The following RAB6A variants were observed in gnomAD, a reference collection of about 807,000 sequenced individuals.
RAB6A encodes RAB6A, member RAS oncogene family, also known as ras-related protein Rab-6A.
Under a neutral mutation model 32.3 loss-of-function variants are expected in RAB6A, and 8 were observed. The ratio of observed to expected loss-of-function variants is 0.25; its 90% CI spans 0.15 to 0.45. RAB6A has a LOEUF of 0.45. RAB6A is among the 20% of genes least tolerant of loss of function. The pLI is 1.00. For missense variants in RAB6A, 104 were observed against 249.4 expected (o/e 0.42, Z 3.93); for synonymous variants, 73 against 82.1 (o/e 0.89, Z 0.60).
intron 1 of RAB6A, among the ~76,000 whole-genome samples, chr11:73,756,290 G>GGTGCA (rs1452488198): frequency 1.3e-5 from 2 of 152,084 alleles, no homozygotes; most frequent in African/African-American, 4.8e-5. Context: ...GGAGGTGGAG[G>GGTGCA]GTGCAGTGAG....
In RAB6A at chr11:73,731,606, A is replaced by C. The variant is rs988540065; in HGVS notation, c.71-783T>G. On this transcript the variant is annotated intron_variant, in intron 1 of 7. Coordinates refer to ENST00000336083, the MANE Select transcript of RAB6A (RefSeq NM_198896.2). ...TTTAAAATTCATTTCAAAACCAGAT[A>C]GAACTCTCTACTTCTCTGGCAAAGA... 3.7e-4 allele frequency among the ~76,000 whole-genome samples: 55 copies of C among 149,452 alleles called. 2 individuals carry two copies. The highest frequency in any genetic ancestry group is 1.5e-5 in the Non-Finnish European group (1 of 67,570).
intron 1 of RAB6A, among the ~76,000 whole-genome samples, chr11:73,738,221 T>C (rs1379780044): frequency 3.3e-5 from 5 of 152,140 alleles, no homozygotes; most frequent in Non-Finnish European, 7.4e-5. Context: ...TTGCCCAAGC[T>C]GGTTTTGAAC....
At chr11:73,722,755 G>A (rs1236580603) in intron 2 of RAB6A, 3 of 152,030 alleles carry the variant, frequency 2.0e-5, no homozygotes, top group African/African-American at 7.3e-5. Context: ...ACTAAGTGCC[G>A]ATTTATACAC....
At position 73,760,888 on chromosome 11, in the gene RAB6A, A is replaced by G; in HGVS notation, c.-253T>C. Reference sequence around the variant, plus strand: ...GGAAGGGAAGGAGGGCGGTGTCGGCAGGAGCCAGGGGTGTCCTCTGGCTTC... The same window carrying G: ...GGAAGGGAAGGAGGGCGGTGTCGGCGGGAGCCAGGGGTGTCCTCTGGCTTC... On this transcript the variant is annotated 5_prime_UTR_variant, in exon 1 of 8. Transcript: ENST00000336083. 2.0e-6 allele frequency: 1 copy of G among 496,220 alleles called. No individual in the cohort carries two copies. Among genetic ancestry groups the G allele is most frequent in the Non-Finnish European group, 3.7e-6 (1 of 271,988 alleles). The allele number at this position is 496,220 out of a possible 1,614,324, so 30.7% of individuals were successfully genotyped here.
chr11:73,743,746 T>C (rs991351270), intron 1 of RAB6A, among the ~76,000 whole-genome samples: 17 of 152,182 alleles, frequency 1.1e-4, no homozygotes, highest in African/African-American at 3.9e-4. Flanking sequence ...CCAAGCATAC[T>C]ATGTACTTTA....
At chr11:73,750,781 T>A (rs1038520193) in intron 1 of RAB6A, among the ~76,000 whole-genome samples, 2 of 152,222 alleles carry the variant, frequency 1.3e-5, no homozygotes, top group African/African-American at 4.8e-5. Flanking sequence ...AATGCTACTA[T>A]GAGTATGGGG....
At chr11:73,731,684 T>C (rs896717074) in intron 1 of RAB6A, among the ~76,000 whole-genome samples, 5 of 14,526 alleles carry the variant, frequency 3.4e-4, no homozygotes, top group African/African-American at 7.7e-4. Context: ...TAGATAGATA[T>C]TATATATATA....
At chr11:73,718,776 T>C in intron 3 of RAB6A, 58 bp from the exon 4 acceptor site, 2 of 1,613,952 alleles carry the variant, frequency 1.2e-6, no homozygotes, top group Non-Finnish European at 1.7e-6. Flanking sequence ...CCCGTTGCAA[T>C]ATACCTACTT....
At chr11:73,760,533 C>T (rs1240580916) in intron 1 of RAB6A, 33 bp downstream of exon 1, 1 of 1,578,490 alleles carries the variant, frequency 6.3e-7, no homozygotes, top group Admixed American at 1.8e-5. Flanking sequence ...ACGCTGCGGC[C>T]AGCTGCCAGG....
In RAB6A at chr11:73,760,753, G is replaced by T; in HGVS notation, c.-118C>A. ...CGGGCACCGAGCTCTCTCGGCCCCT[G>T]CAAGGCCCGGTGGAGGAGCCCGGCT... is the stretch of plus-strand genomic sequence containing the variant. On this transcript the variant is annotated 5_prime_UTR_variant, in exon 1 of 8. Transcript: ENST00000336083. 7.0e-7 allele frequency: 1 copy of T among 1,424,896 alleles called. No individual in the cohort carries two copies. The highest frequency in any genetic ancestry group is 9.5e-7 in the Non-Finnish European group (1 of 1,048,340). 88.3% of individuals were successfully genotyped at this position (1,424,896 alleles called of 1,614,324 possible). A position where few individuals can be genotyped will look rare whatever the true frequency, so the allele number is the denominator to read the frequency against.
At chr11:73,727,651 TTTTG>T (rs1434394923) in intron 2 of RAB6A, among the ~76,000 whole-genome samples, 3 of 152,214 alleles carry the variant, frequency 2.0e-5, no homozygotes, top group Admixed American at 6.5e-5. Context: ...ATGCCCATGT[TTTTG>T]TTTTTCAGGA....
chr11:73,731,643 T>A (rs1946302691), intron 1 of RAB6A, among the ~76,000 whole-genome samples: 1 of 144,354 alleles, frequency 6.9e-6, no homozygotes, highest in Non-Finnish European at 1.5e-5. Flanking sequence ...TTACCAAAGA[T>A]CCATAACTTC....
intron 6 of RAB6A, among the ~76,000 whole-genome samples, chr11:73,693,094 C>G (rs1945601215): frequency 6.6e-6 from 1 of 151,984 alleles, no homozygotes; most frequent in East Asian, 1.9e-4. Context: ...TCAAGACCAG[C>G]CTAGCCAACA....
intron 6 of RAB6A, among the ~76,000 whole-genome samples, chr11:73,690,406 C>A (rs529845591): frequency 9.2e-5 from 14 of 152,248 alleles, no homozygotes; most frequent in African/African-American, 3.4e-4. Context: ...TTAAAAAATA[C>A]ACTGTCTCAC....
rs548141951 is a variant in RAB6A at position 73,703,469 on chromosome 11, C to T, written c.495+3951G>A. ...CAATTAAAAAATTTCTGGCCAGATACAGTGGCTCACGCCTGTAATCTCAGC... is the reference window on the plus strand; with the variant it reads ...CAATTAAAAAATTTCTGGCCAGATATAGTGGCTCACGCCTGTAATCTCAGC... On this transcript the variant is annotated intron_variant, in intron 6 of 7. Coordinates refer to ENST00000336083, the MANE Select transcript of RAB6A (RefSeq NM_198896.2). Among the ~76,000 whole-genome samples the T allele has an allele frequency of 5.9e-5, 9 of 152,324 alleles. No homozygotes were observed. In the South Asian group the frequency reaches 1.4e-3, roughly 25 times the overall value.
In RAB6A at chr11:73,709,089, T is replaced by C. The variant is rs151200359; in HGVS notation, c.402-1576A>G. Among the ~76,000 whole-genome samples the C allele has an allele frequency of 3.5e-3, 527 of 152,316 alleles. 2 individuals are homozygous for C. The highest frequency in any genetic ancestry group is 0.01 in the Middle Eastern group (3 of 292). On this transcript the variant is annotated intron_variant, in intron 5 of 7. Transcript: ENST00000336083. ...CCGCCAATCTGCAGACCTTTAGCCC[T>C]AAATACTTCAGCAGTGTGAATTTCC...
At chr11:73,712,902 G>A (rs1234755537) in intron 5 of RAB6A, among the ~76,000 whole-genome samples, 1 of 151,736 alleles carries the variant, frequency 6.6e-6, no homozygotes, top group Non-Finnish European at 1.5e-5. Flanking sequence ...ATTTTTAGTA[G>A]AGACAGGGTT....
chr11:73,702,802 T>C (rs1015881677), intron 6 of RAB6A, among the ~76,000 whole-genome samples: 17 of 152,128 alleles, frequency 1.1e-4, no homozygotes, highest in African/African-American at 3.9e-4. Flanking sequence ...AATAGTCAAT[T>C]TAAGATGTAT....
intron 1 of RAB6A, among the ~76,000 whole-genome samples, chr11:73,751,589 T>C (rs1306953634): frequency 6.6e-6 from 1 of 152,200 alleles, no homozygotes; most frequent in Admixed American, 6.5e-5. Context: ...CACTCTCTTC[T>C]ATTCCCTCTT....
Sources: allele counts gnomAD v4.1 joint callset (sites outside exome capture counted in the v4.1 genomes callset), GRCh38; gene constraint gnomAD v4.1.1; transcripts MANE v1.5; gene names NCBI Gene and HGNC (gene_info 2026-07-23, HGNC 2026-07-21).